Variants in WDFY4 observed in about 807,000 individuals in gnomAD.
WDFY4 encodes WDFY family member 4.
In WDFY4, 169 loss-of-function variants were observed where a neutral mutation model predicts 351.9. The observed-to-expected ratio is 0.48, with a 90% CI of 0.42 to 0.55. The LOEUF is 0.55. WDFY4 is among the 20% of genes least tolerant of loss of function. The pLI, the probability that WDFY4 is intolerant of heterozygous loss-of-function variation, is 0.00. For synonymous variants in WDFY4, 1,622 were observed against 1,574.6 expected (o/e 1.03, Z -0.71); for missense variants, 3,803 against 3,935.6 (o/e 0.97, Z 0.90).
intron 42 of WDFY4, 44 bp downstream of exon 42, chr10:48,875,184 AT>A (rs2069948469): frequency 9.0e-7 from 1 of 1,113,928 alleles, no homozygotes; most frequent in Admixed American, 3.7e-5. Flanking sequence ...TAAGCTAATT[AT>A]TGGTTTTATT....
chr10:48,759,215 C>G (rs756884772), intron 12 of WDFY4, among the ~76,000 whole-genome samples: 3 of 152,128 alleles, frequency 2.0e-5, no homozygotes, highest in Non-Finnish European at 4.4e-5. Flanking sequence ...GGTGGTTTAC[C>G]TCCTAGTTAG....
At chr10:48,767,799 G>A (rs138622858) in intron 13 of WDFY4, among the ~76,000 whole-genome samples, 11 of 152,320 alleles carry the variant, frequency 7.2e-5, no homozygotes, top group African/African-American at 2.6e-4. Context: ...ATAGTCCCAA[G>A]TGAAGTGAGG....
intron 55 of WDFY4, 73 bp from the exon 56 acceptor site, chr10:48,968,991 T>C: frequency 6.8e-7 from 1 of 1,477,306 alleles, no homozygotes; most frequent in South Asian, 1.3e-5. Context: ...TGCCTGTGAC[T>C]CCTGCCTGGG....
rs950961332 is a variant in WDFY4 at position 48,775,594 on chromosome 10, C to T, written c.2769-118C>T. The T allele has an allele frequency of 7.0e-5, 64 of 907,966 alleles. No individual in the cohort carries two copies. In the East Asian group the frequency reaches 1.7e-3, roughly 23 times the overall value. 56.2% of individuals were successfully genotyped at this position (907,966 alleles called of 1,614,324 possible). ...CCACATTGCTTTCAGAAAGGGTGTT[C>T]CAGTGGGGCTGGGAGGTCAGGGAGC... On this transcript the variant is annotated intron_variant, in intron 14 of 61. Coordinates refer to ENST00000325239, the MANE Select transcript of WDFY4 (RefSeq NM_001394531.1).
intron 7 of WDFY4, among the ~76,000 whole-genome samples, chr10:48,728,146 C>T (rs2064331327): frequency 6.6e-6 from 1 of 152,228 alleles, no homozygotes; most frequent in African/African-American, 2.4e-5. Flanking sequence ...CCATGAGGCG[C>T]TTGCTTGCTA....
intron 25 of WDFY4, chr10:48,804,791 G>T: frequency 1.0e-6 from 1 of 984,616 alleles, no homozygotes; most frequent in Non-Finnish European, 1.2e-6. Context: ...GTATGGATAG[G>T]TGGATTCTGT....
chr10:48,978,671 G>A (rs549962075), intron 60 of WDFY4: 3 of 345,488 alleles, frequency 8.7e-6, no homozygotes, highest in East Asian at 1.0e-4. Flanking sequence ...ATGAACACAG[G>A]TACAAACCTC....
intron 12 of WDFY4, among the ~76,000 whole-genome samples, chr10:48,756,132 A>G (rs2065328823): frequency 6.6e-6 from 1 of 152,040 alleles, no homozygotes; most frequent in African/African-American, 2.4e-5. Context: ...TTGACAATTT[A>G]ACTATAGTAA....
At chr10:48,976,768 T>A in intron 58 of WDFY4, 29 bp from the exon 59 acceptor site, 1 of 1,351,072 alleles carries the variant, frequency 7.4e-7, no homozygotes, top group Non-Finnish European at 9.6e-7. Flanking sequence ...TGACTCCAGC[T>A]TAGAGTGATG....
chr10:48,843,820 T>G (rs1221027627), intron 39 of WDFY4, among the ~76,000 whole-genome samples: 1 of 152,272 alleles, frequency 6.6e-6, no homozygotes, highest in South Asian at 2.1e-4. Flanking sequence ...TCCCAGGAGA[T>G]GTTTTTAATT....
At chr10:48,740,792 G>A (rs1397915285) in intron 11 of WDFY4, among the ~76,000 whole-genome samples, 1 of 152,190 alleles carries the variant, frequency 6.6e-6, no homozygotes, top group Non-Finnish European at 1.5e-5. Context: ...TGGCCTTGAT[G>A]CTGGGTTTCT....
intron 7 of WDFY4, among the ~76,000 whole-genome samples, chr10:48,727,896 A>T (rs1193151922): frequency 6.6e-6 from 1 of 152,122 alleles, no homozygotes; most frequent in Non-Finnish European, 1.5e-5. Flanking sequence ...TGCTGGCCTG[A>T]TTTTCCCCGG....
chr10:48,736,110 A>C, intron 11 of WDFY4, 40 bp downstream of exon 11: 4 of 1,549,916 alleles, frequency 2.6e-6, no homozygotes, highest in Non-Finnish European at 3.5e-6. Flanking sequence ...TTCCCTGTGG[A>C]TATGCACCAA....
At chr10:48,945,359 G>A (rs1018117481) in intron 49 of WDFY4, among the ~76,000 whole-genome samples, 3 of 152,170 alleles carry the variant, frequency 2.0e-5, no homozygotes, top group Non-Finnish European at 4.4e-5. Flanking sequence ...CTGGGCAACA[G>A]AGCGAGATTC....
rs142938071 is a variant in WDFY4, at chr10:48,930,367, T to C, written c.7587-11439T>C. Among the ~76,000 whole-genome samples, 16 of 152,356 alleles carry C rather than the reference T, an allele frequency of 1.1e-4. No individual in the cohort carries two copies. In the East Asian group the frequency reaches 2.5e-3, roughly 24 times the overall value. ...TTTGTTGGTCACTGAGTGTGTACCC[T>C]CTTGGAGACAGGAATGCTTTCCAAA... On this transcript the variant is annotated intron_variant, in intron 47 of 61. Transcript: ENST00000325239.
intron 13 of WDFY4, among the ~76,000 whole-genome samples, chr10:48,769,983 C>A (rs1448434516): frequency 6.6e-6 from 1 of 152,218 alleles, no homozygotes; most frequent in Non-Finnish European, 1.5e-5. Flanking sequence ...ATCCCGTCTC[C>A]TGCGTTGGAA....
Position 48,974,850 on chromosome 10 carries a change from C to T in WDFY4, c.8929-12C>T, listed in dbSNP as rs1409424587. 3 of 1,527,756 alleles carry T rather than the reference C, an allele frequency of 2.0e-6. No individual in the cohort carries two copies. Among genetic ancestry groups the T allele is most frequent in the Non-Finnish European group, 2.6e-6 (3 of 1,132,940 alleles). 94.6% of individuals were successfully genotyped at this position (1,527,756 alleles called of 1,614,324 possible). On this transcript the variant is annotated splice_polypyrimidine_tract_variant and intron_variant, in intron 57 of 61. Transcript: ENST00000325239. Reference sequence around the variant, plus strand: ...AGGGTCCCTCTCCTAACCTGTGAGTCTCTGTCCCCAGGCCTTGTATGGACA... The same window carrying T: ...AGGGTCCCTCTCCTAACCTGTGAGTTTCTGTCCCCAGGCCTTGTATGGACA...
intron 39 of WDFY4, among the ~76,000 whole-genome samples, chr10:48,838,277 C>G: frequency 6.6e-6 from 1 of 152,186 alleles, no homozygotes; most frequent in South Asian, 2.1e-4. Flanking sequence ...TATGAGACCT[C>G]CAATGAAACC....
intron 12 of WDFY4, among the ~76,000 whole-genome samples, chr10:48,750,710 A>T (rs2132462540): frequency 1.3e-5 from 2 of 152,374 alleles, no homozygotes; most frequent in Middle Eastern, 6.8e-3. Flanking sequence ...CAGGATATGT[A>T]TTAAAATGGA....
Sources: allele counts gnomAD v4.1 joint callset (sites outside exome capture counted in the v4.1 genomes callset), GRCh38; gene constraint gnomAD v4.1.1; transcripts MANE v1.5; gene names NCBI Gene and HGNC (gene_info 2026-07-23, HGNC 2026-07-21).